ADCY2: variants seen among roughly 807,000 people sequenced by gnomAD.
The protein encoded by ADCY2 is adenylate cyclase 2.
Under a neutral mutation model 125.2 loss-of-function variants are expected in ADCY2, and 31 were observed. The ratio of observed to expected loss-of-function variants is 0.25; its 90% CI spans 0.19 to 0.33. The LOEUF (loss-of-function observed/expected upper bound fraction) is 0.33. Among genes scored for constraint, ADCY2 ranks in the 10% least tolerant of loss-of-function variants. The pLI is 1.00. For missense variants in ADCY2, 904 were observed against 1,418.2 expected, an observed-to-expected ratio of 0.64 and a Z score of 5.82; for synonymous variants, 512 against 548.4, an observed-to-expected ratio of 0.93 and a Z score of 0.93.
intron 18 of ADCY2, among the ~76,000 whole-genome samples, chr5:7,782,894 T>A (rs1743962074): frequency 6.6e-6 from 1 of 152,234 alleles, no homozygotes; most frequent in African/African-American, 2.4e-5. Flanking sequence ...AACTTCATCT[T>A]ATAAAATCAA....
chr5:7,619,147 G>A (rs912622963), intron 3 of ADCY2, among the ~76,000 whole-genome samples: 3 of 152,202 alleles, frequency 2.0e-5, no homozygotes, highest in Non-Finnish European at 4.4e-5. Context: ...TATCAGTGGC[G>A]ATGTAAAGTT....
intron 3 of ADCY2, among the ~76,000 whole-genome samples, chr5:7,541,316 T>C (rs1483868034): frequency 6.6e-6 from 1 of 152,174 alleles, no homozygotes; most frequent in African/African-American, 2.4e-5. Context: ...CAGCAGATGG[T>C]GTGAAATGCA....
At chr5:7,743,337 G>A (rs1194688145) in intron 14 of ADCY2, among the ~76,000 whole-genome samples, 2 of 150,792 alleles carry the variant, frequency 1.3e-5, no homozygotes, top group Non-Finnish European at 3.0e-5. Flanking sequence ...CAGTGAAGAG[G>A]CCACCGAGAT....
chr5:7,436,176 G>T (rs547484024), intron 2 of ADCY2, among the ~76,000 whole-genome samples: 10 of 152,246 alleles, frequency 6.6e-5, no homozygotes, highest in African/African-American at 2.2e-4. Flanking sequence ...GCATTGATTT[G>T]TTGACGAAAA....
intron 4 of ADCY2, among the ~76,000 whole-genome samples, chr5:7,680,526 G>C (rs907971924): frequency 6.6e-6 from 1 of 152,180 alleles, no homozygotes; most frequent in South Asian, 2.1e-4. Context: ...TATGCACTCT[G>C]CAAGCTAATC....
intron 19 of ADCY2, among the ~76,000 whole-genome samples, chr5:7,787,568 C>T (rs1368465139): frequency 6.6e-6 from 1 of 152,108 alleles, no homozygotes; most frequent in Non-Finnish European, 1.5e-5. Context: ...TTCATACAAG[C>T]TGCTAATGTG....
At chr5:7,755,230 C>A (rs1433050171) in intron 15 of ADCY2, among the ~76,000 whole-genome samples, 2 of 152,152 alleles carry the variant, frequency 1.3e-5, no homozygotes, top group Non-Finnish European at 2.9e-5. Flanking sequence ...GCAGCCTGTG[C>A]GGCTGAGGGC....
rs1360655166 is a variant in ADCY2 at position 7,763,620 on chromosome 5, AT to A, written c.2095-3064del. ...CCAGGTCACCATTGTGCTGCTTCCTATTTCTATGAATTTGCCTATTCTAGGG... is the reference window on the plus strand; with the variant it reads ...CCAGGTCACCATTGTGCTGCTTCCTATTCTATGAATTTGCCTATTCTAGGG... On this transcript the variant is annotated intron_variant, in intron 16 of 24. Coordinates refer to ENST00000338316, the MANE Select transcript of ADCY2 (RefSeq NM_020546.3). Among the ~76,000 whole-genome samples the A allele has an allele frequency of 4.0e-5, 6 of 151,844 alleles. No homozygotes were observed. The East Asian group carries it at 9.7e-4, about 25-fold the overall frequency.
At chr5:7,466,819 G>A (rs1039428239) in intron 2 of ADCY2, among the ~76,000 whole-genome samples, 1 of 152,190 alleles carries the variant, frequency 6.6e-6, no homozygotes, top group Non-Finnish European at 1.5e-5. Flanking sequence ...CCATGCTTTT[G>A]TGTGCCCGAC....
At chr5:7,518,449 A>G (rs1330696895) in intron 2 of ADCY2, among the ~76,000 whole-genome samples, 1 of 152,204 alleles carries the variant, frequency 6.6e-6, no homozygotes, top group African/African-American at 2.4e-5. Flanking sequence ...TCACATCCCA[A>G]ATATGGAATG....
At chr5:7,411,425 G>T (rs1272402853) in intron 1 of ADCY2, among the ~76,000 whole-genome samples, 2 of 152,200 alleles carry the variant, frequency 1.3e-5, no homozygotes, top group Non-Finnish European at 2.9e-5. Flanking sequence ...CCTAGATTAG[G>T]ACTTCAGAGG....
rs1194520419 is a variant in ADCY2 at position 7,709,866 on chromosome 5, G to T, written c.1578+479G>T. On this transcript the variant is annotated intron_variant, in intron 10 of 24. Coordinates refer to ENST00000338316, the MANE Select transcript of ADCY2 (RefSeq NM_020546.3). This position sits in a 1 kb window ranked among gnomAD's most constrained non-coding sequence, Gnocchi z 4.4. ...GTTCCATGTTTCCCTGTGACCTCCA[G>T]CATATGAGAAAGCTCCTTACACCAG... Among the ~76,000 whole-genome samples the T allele has an allele frequency of 6.6e-6, 1 of 152,156 alleles. No homozygotes were observed. Among genetic ancestry groups the T allele is most frequent in the Non-Finnish European group, 1.5e-5 (1 of 68,040 alleles).
intron 2 of ADCY2, among the ~76,000 whole-genome samples, chr5:7,487,060 G>A (rs1742959824): frequency 6.6e-6 from 1 of 152,216 alleles, no homozygotes; most frequent in South Asian, 2.1e-4. Flanking sequence ...TCGAGTTCAT[G>A]CCTGTGAATG....
chr5:7,750,153 A>G (rs1278370954), intron 15 of ADCY2, among the ~76,000 whole-genome samples: 1 of 151,870 alleles, frequency 6.6e-6, no homozygotes, highest in African/African-American at 2.4e-5. Context: ...TTTAAAACCC[A>G]ATTTGTATCT....
chr5:7,789,621 C>T (rs1744192693), intron 19 of ADCY2, 21 bp from the exon 20 acceptor site: 5 of 1,607,460 alleles, frequency 3.1e-6, no homozygotes, highest in South Asian at 1.1e-5. Context: ...GTTTCTTTAC[C>T]TCTGTGTCCT....
At chr5:7,557,154 T>TG (rs56192324) in intron 3 of ADCY2, among the ~76,000 whole-genome samples, 1 of 126,058 alleles carries the variant, frequency 7.9e-6, no homozygotes, top group African/African-American at 2.7e-5. Flanking sequence ...TATATAAACT[T>TG]TATAGATATA....
At chr5:7,602,149 C>A (rs1347975941) in intron 3 of ADCY2, among the ~76,000 whole-genome samples, 1 of 152,184 alleles carries the variant, frequency 6.6e-6, no homozygotes, top group Non-Finnish European at 1.5e-5. Flanking sequence ...ATCTCAAAAT[C>A]ATAAACTTAG....
At chr5:7,662,756 A>G (rs1739575493) in intron 4 of ADCY2, among the ~76,000 whole-genome samples, 1 of 152,218 alleles carries the variant, frequency 6.6e-6, no homozygotes, top group African/African-American at 2.4e-5. Context: ...CCTGGTTGTC[A>G]GCCTGCGTAA....
chr5:7,479,562 C>G (rs1742648430), intron 2 of ADCY2, among the ~76,000 whole-genome samples: 1 of 151,796 alleles, frequency 6.6e-6, no homozygotes, highest in Admixed American at 6.6e-5. Flanking sequence ...TCTATCACCC[C>G]AAGGATTTAT....
Sources: gnomAD v4.1 joint callset for allele counts (sites outside exome capture counted in the v4.1 genomes callset) on GRCh38, gnomAD v4.1.1 for gene constraint, Gnocchi (gnomAD v3.1) non-coding constraint, MANE v1.5 for transcripts, NCBI Gene and HGNC (gene_info 2026-07-23, HGNC 2026-07-21) for gene names.